The following DNASE1L3 variants were observed in gnomAD, a reference collection of about 807,000 sequenced individuals.
The protein encoded by DNASE1L3 is deoxyribonuclease 1L3, also known as deoxyribonuclease gamma.
DNASE1L3 carries 27 observed loss-of-function variants against 30.9 expected under a neutral mutation model. The observed-to-expected ratio is 0.87, with a 90% CI of 0.64 to 1.20. The LOEUF (loss-of-function observed/expected upper bound fraction) is 1.20, where lower values mean the gene tolerates loss of function less well. Ranked by LOEUF, DNASE1L3 falls within the 50% of genes most tolerant of loss-of-function variation. The pLI, the probability that DNASE1L3 is intolerant of heterozygous loss-of-function variation, is 0.00. For synonymous variants in DNASE1L3, 135 were observed against 138.0 expected (o/e 0.98, Z 0.15); for missense variants, 364 against 378.2 (o/e 0.96, Z 0.31).
chr3:58,205,486 T>G lies in DNASE1L3; in HGVS notation c.305A>C (p.Tyr102Ser). 4 of 1,613,840 alleles carry G rather than the reference T, an allele frequency of 2.5e-6. No homozygotes were observed. Among genetic ancestry groups the G allele is most frequent in the Non-Finnish European group, 3.4e-6 (4 of 1,179,658 alleles). The change falls in exon 3 of 8, where the codon TAT becomes TCT. Residue 102 changes from tyrosine to serine, a missense_variant. Transcript: ENST00000394549. The stretch of plus-strand genomic sequence containing the variant: ...TGATACTTACTTGTAGAGAAAGGCA[T>G]ATTGTTCTTTATATGTGTTTCTTCC... ...RLGRNTYKEQ[Y>S]AFLYKEKLVS...
chr3:58,196,569 A>C (rs1020536519), intron 6 of DNASE1L3, among the ~76,000 whole-genome samples: 11 of 150,886 alleles, frequency 7.3e-5, no homozygotes, highest in Non-Finnish European at 1.5e-4. Flanking sequence ...AAAAAAAAAA[A>C]AAAAAAAACT....
intron 7 of DNASE1L3, chr3:58,193,049 G>A: frequency 7.0e-7 from 1 of 1,423,476 alleles, no homozygotes; most frequent in Non-Finnish European, 9.1e-7. Context: ...CTTCAGTGGT[G>A]ACCTCAAAGG....
intron 4 of DNASE1L3, among the ~76,000 whole-genome samples, chr3:58,203,459 A>C (rs773991602): frequency 7.2e-5 from 11 of 152,128 alleles, no homozygotes; most frequent in Non-Finnish European, 1.6e-4. Flanking sequence ...TAGGTACTGA[A>C]AAAATATTTG....
chr3:58,202,472 A>G (rs1005869210), intron 4 of DNASE1L3, among the ~76,000 whole-genome samples: 2 of 150,534 alleles, frequency 1.3e-5, no homozygotes, highest in African/African-American at 4.9e-5. Flanking sequence ...TGGGAGTTAC[A>G]AAAAGAGTAT....
chr3:58,194,832 G>A (rs2097396280), intron 6 of DNASE1L3, among the ~76,000 whole-genome samples: 1 of 151,682 alleles, frequency 6.6e-6, no homozygotes, highest in East Asian at 2.0e-4. Flanking sequence ...GTTTCACTGT[G>A]TTAGCCAGGA....
chr3:58,204,990 C>G, intron 3 of DNASE1L3, 109 bp from the exon 4 acceptor site: 1 of 975,256 alleles, frequency 1.0e-6, no homozygotes, highest in East Asian at 2.6e-5. Flanking sequence ...AGAGCAGGCT[C>G]AAGCACAGGA....
intron 6 of DNASE1L3, among the ~76,000 whole-genome samples, chr3:58,195,710 C>T (rs952115621): frequency 2.7e-5 from 4 of 150,004 alleles, no homozygotes; most frequent in African/African-American, 4.9e-5. Flanking sequence ...CGCTTGAACC[C>T]GGGAGGCGGA....
chr3:58,193,707 A>G (rs1384067343), intron 6 of DNASE1L3, among the ~76,000 whole-genome samples: 1 of 152,220 alleles, frequency 6.6e-6, no homozygotes, highest in Admixed American at 6.5e-5. Flanking sequence ...AAGATTTTAT[A>G]TGACACACGC....
In DNASE1L3 at chr3:58,197,029, A is replaced by T. The variant is rs774465036; in HGVS notation, c.704+792T>A. 6.6e-6 allele frequency among the ~76,000 whole-genome samples: 1 copy of T among 152,218 alleles called. No individual in the cohort carries two copies. Among genetic ancestry groups the T allele is most frequent in the Non-Finnish European group, 1.5e-5 (1 of 68,042 alleles). On this transcript the variant is annotated intron_variant, in intron 6 of 7. Transcript: ENST00000394549. The surrounding 1 kb of genome is among the most constrained non-coding windows in gnomAD (Gnocchi z 5.3). ...ACAGCAAACCCTTGGTAATAACCCAATGCCTAATGATGGGGATTGGGCGCA... is the reference window on the plus strand; with the variant it reads ...ACAGCAAACCCTTGGTAATAACCCATTGCCTAATGATGGGGATTGGGCGCA...
chr3:58,204,870 A>G lies in DNASE1L3; in HGVS notation c.332T>C (p.Val111Ala). The G allele has an allele frequency of 6.2e-7, 1 of 1,614,114 alleles. No homozygotes were observed. Among genetic ancestry groups the G allele is most frequent in the Non-Finnish European group, 8.5e-7 (1 of 1,180,002 alleles). Reference sequence around the variant, plus strand: ...GTAGTGATAACTCCTCTTCACAGACACCAGCTTTTCCCTATAAGAAGGAAA... The same window carrying G: ...GTAGTGATAACTCCTCTTCACAGACGCCAGCTTTTCCCTATAAGAAGGAAA... ...QYAFLYKEKL[V>A]SVKRSYHYHD... The change falls in exon 4 of 8, where the codon GTG becomes GCG. Residue 111 changes from valine to alanine, a missense_variant. Physicochemically the swap from Val to Ala is moderately conservative, Grantham distance 64. Coordinates refer to ENST00000394549, the MANE Select transcript of DNASE1L3 (RefSeq NM_004944.4).
chr3:58,209,712 T>G (rs1162613089), intron 1 of DNASE1L3, among the ~76,000 whole-genome samples: 2 of 152,138 alleles, frequency 1.3e-5, no homozygotes, highest in Non-Finnish European at 2.9e-5. Flanking sequence ...CACCAGCCAG[T>G]GCTACAGGTG....
chr3:58,193,406 A>G lies in DNASE1L3; in HGVS notation c.738T>C (p.Ser246=). 6.2e-7 allele frequency: 1 copy of G among 1,614,076 alleles called. No individual in the cohort carries two copies. The highest frequency in any genetic ancestry group is 8.5e-7 in the Non-Finnish European group (1 of 1,179,924). ...IVLRGQEIVS[S]VVPKSNSVFD... ...AAACACTGTTTGACTTGGGAACAAC[A>G]GAACTGACGATTTCTTGTCCTCTAA... The change falls in exon 7 of 8, where the codon TCT becomes TCC. Residue 246 remains serine, a synonymous_variant. Transcript: ENST00000394549.
intron 6 of DNASE1L3, among the ~76,000 whole-genome samples, chr3:58,196,582 G>A (rs1241570302): frequency 1.4e-5 from 2 of 141,584 alleles, no homozygotes; most frequent in East Asian, 2.1e-4. Flanking sequence ...AAAAAACTCC[G>A]AGAGGAAGTG....
chr3:58,205,036 T>C (rs1268467213), intron 3 of DNASE1L3, among the ~76,000 whole-genome samples, 155 bp from the exon 4 acceptor site: 1 of 152,150 alleles, frequency 6.6e-6, no homozygotes, highest in Non-Finnish European at 1.5e-5. Flanking sequence ...TCAACTCTTC[T>C]CAACAGCCAG....
intron 2 of DNASE1L3, among the ~76,000 whole-genome samples, chr3:58,206,182 A>G (rs2097403795): frequency 1.3e-5 from 2 of 152,328 alleles, no homozygotes; most frequent in Admixed American, 1.3e-4. Context: ...CACCTGCACC[A>G]GGGAAAGCGG....
At chr3:58,203,895 C>G (rs933873553) in intron 4 of DNASE1L3, among the ~76,000 whole-genome samples, 1 of 152,136 alleles carries the variant, frequency 6.6e-6, no homozygotes, top group Non-Finnish European at 1.5e-5. Context: ...TGACTCCATG[C>G]CTTTTTAAAC....
At chr3:58,198,094 G>T in intron 5 of DNASE1L3, 116 bp from the exon 6 acceptor site, 1 of 1,220,670 alleles carries the variant, frequency 8.2e-7, no homozygotes, top group Non-Finnish European at 1.1e-6. Context: ...GTCTGTTATG[G>T]GCTGAATCTT....
chr3:58,203,997 C>T (rs540954176), intron 4 of DNASE1L3, among the ~76,000 whole-genome samples: 1 of 152,112 alleles, frequency 6.6e-6, no homozygotes, highest in Non-Finnish European at 1.5e-5. Flanking sequence ...TAATCAGGGG[C>T]CAGTACAAGT....
At chr3:58,202,168 G>A (rs564606589) in intron 4 of DNASE1L3, among the ~76,000 whole-genome samples, 20 of 146,496 alleles carry the variant, frequency 1.4e-4, no homozygotes, top group South Asian at 1.3e-3. Flanking sequence ...TTTTTGAGAC[G>A]GAGTTTCGTT....
Sources: gnomAD v4.1 joint callset for allele counts (sites outside exome capture counted in the v4.1 genomes callset) on GRCh38, gnomAD v4.1.1 for gene constraint, Gnocchi (gnomAD v3.1) non-coding constraint, MANE v1.5 for transcripts, NCBI Gene and HGNC (gene_info 2026-07-23, HGNC 2026-07-21) for gene names.